MORN4: variants seen among roughly 807,000 people sequenced by gnomAD.
MORN4 encodes the protein MORN repeat containing 4, also known as MORN repeat-containing protein 4.
In MORN4, 8 loss-of-function variants were observed where a neutral mutation model predicts 16.4. The ratio of observed to expected loss-of-function variants is 0.49; its 90% CI spans 0.29 to 0.88. MORN4 has a LOEUF of 0.88. Among genes scored for constraint, MORN4 ranks in the 40% least tolerant of loss-of-function variants. MORN4 has a pLI of 0.09. For missense variants in MORN4, 159 were observed against 182.9 expected (o/e 0.87, Z 0.75); for synonymous variants, 53 against 68.9 (o/e 0.77, Z 1.14).
At chr10:97,616,587 G>T in intron 4 of MORN4, 91 bp downstream of exon 4, 1 of 1,267,498 alleles carries the variant, frequency 7.9e-7, no homozygotes, top group Non-Finnish European at 1.1e-6. Context: ...ACTATGGATT[G>T]CTGGACACCC....
chr10:97,631,696 G>A (rs1312719658), intron 1 of MORN4, among the ~76,000 whole-genome samples: 3 of 151,902 alleles, frequency 2.0e-5, no homozygotes, highest in East Asian at 3.9e-4. Flanking sequence ...CACGTTGGGA[G>A]GCTGAAGCAA....
intron 1 of MORN4, among the ~76,000 whole-genome samples, chr10:97,627,573 A>C (rs955052429): frequency 6.6e-5 from 10 of 152,234 alleles, no homozygotes; most frequent in African/African-American, 2.4e-4. Flanking sequence ...ATGAGGACAG[A>C]CGAGTTATAA....
chr10:97,617,247 A>C lies in MORN4; in HGVS notation c.143T>G (p.Phe48Cys). ...TYLGHFENGLFNGFGVLTFSD... is the reference protein window; with the variant it reads ...TYLGHFENGLCNGFGVLTFSD... ...GAAGGTCAATACCCCAAAGCCATTAAAGAGCCCATTCTCAAAATGACCCAG... is the reference window on the plus strand; with the variant it reads ...GAAGGTCAATACCCCAAAGCCATTACAGAGCCCATTCTCAAAATGACCCAG... The change falls in exon 3 of 5, where the codon TTT becomes TGT. Residue 48 changes from phenylalanine (F) to cysteine (C), a missense_variant. Coordinates refer to ENST00000307450, the MANE Select transcript of MORN4 (RefSeq NM_178832.4). The C allele has an allele frequency of 1.2e-6, 2 of 1,614,186 alleles. No individual in the cohort carries two copies. Among genetic ancestry groups the C allele is most frequent in the Non-Finnish European group, 1.7e-6 (2 of 1,180,036 alleles).
rs965921242 is a variant in MORN4 at position 97,618,209 on chromosome 10, T to C, written c.68-887A>G. Among the ~76,000 whole-genome samples, 3 of 151,082 alleles carry C rather than the reference T, an allele frequency of 2.0e-5. 1 individual carries two copies. Among genetic ancestry groups the C allele is most frequent in the Non-Finnish European group, 4.4e-5 (3 of 67,866 alleles). ...AAATAAATAAATAAATAAATAACAA[T>C]TGCTAACATGTGTATTTATAGTGCC... On this transcript the variant is annotated intron_variant, in intron 2 of 4. Transcript: ENST00000307450.
chr10:97,619,279 T>C lies in MORN4; in HGVS notation c.67+308A>G, dbSNP rs561625172. 6.1e-5 allele frequency: 28 copies of C among 459,442 alleles called. No individual in the cohort carries two copies. In the East Asian group the frequency reaches 7.0e-4, roughly 11 times the overall value. 28.5% of individuals were successfully genotyped at this position (459,442 alleles called of 1,614,324 possible). A position where few individuals can be genotyped will look rare whatever the true frequency, so the allele number is the denominator to read the frequency against. On this transcript the variant is annotated intron_variant, in intron 2 of 4. Coordinates refer to ENST00000307450, the MANE Select transcript of MORN4 (RefSeq NM_178832.4). ...GGCAGAGGTTGCAGTGAGCTGAGAT[T>C]GCACCACTGCACTCCAGCCTAGGCA...
intron 1 of MORN4, among the ~76,000 whole-genome samples, chr10:97,620,213 G>A (rs147352303): frequency 6.6e-6 from 1 of 152,078 alleles, no homozygotes; most frequent in East Asian, 1.9e-4. Flanking sequence ...CAGGCCAGGG[G>A]CAGTGGCTCA....
chr10:97,619,787 T>G, intron 1 of MORN4, 104 bp from the exon 2 acceptor site: 34 of 845,962 alleles, frequency 4.0e-5, no homozygotes, highest in Non-Finnish European at 6.3e-5. Flanking sequence ...GCCTGGTAAG[T>G]GTACACTGCC....
rs907099252 is a variant in MORN4 at position 97,633,295 on chromosome 10, C to G, written c.-31+52G>C. The G allele has an allele frequency of 1.6e-6, 2 of 1,283,524 alleles. No homozygotes were observed. The highest frequency in any genetic ancestry group is 2.0e-6 in the Non-Finnish European group (2 of 985,778). The allele number at this position is 1,283,524 out of a possible 1,614,324, so 79.5% of individuals were successfully genotyped here. A position where few individuals can be genotyped will look rare whatever the true frequency, so the allele number is the denominator to read the frequency against. ...TCGTGCTCCGTTCCTCAGTGCCCAC[C>G]TGACCGATCACACTCTTTCCCGGCC... is the stretch of plus-strand genomic sequence containing the variant. On this transcript the variant is annotated intron_variant, in intron 1 of 4. Coordinates refer to ENST00000307450, the MANE Select transcript of MORN4 (RefSeq NM_178832.4). This position sits in a 1 kb window ranked among gnomAD's most constrained non-coding sequence, Gnocchi z 4.5.
intron 1 of MORN4, among the ~76,000 whole-genome samples, chr10:97,630,375 G>A (rs768673444): frequency 6.6e-6 from 1 of 152,096 alleles, no homozygotes; most frequent in Non-Finnish European, 1.5e-5. Flanking sequence ...CCACAGTATG[G>A]GTGTTTTAAG....
chr10:97,616,090 C>G lies in MORN4; in HGVS notation c.*173G>C, dbSNP rs1426673610. The G allele has an allele frequency of 1.7e-6, 1 of 590,378 alleles. No homozygotes were observed. The highest frequency in any genetic ancestry group is 1.9e-5 in the African/African-American group (1 of 52,638). The allele number at this position is 590,378 out of a possible 1,614,324, so 36.6% of individuals were successfully genotyped here. A position where few individuals can be genotyped will look rare whatever the true frequency, so the allele number is the denominator to read the frequency against. Reference sequence around the variant, plus strand: ...GCTGCAGGGTCTGCTGGCCAGCATCCTCAGCACTTTTCTGTGGTCCAGTTC... The same window carrying G: ...GCTGCAGGGTCTGCTGGCCAGCATCGTCAGCACTTTTCTGTGGTCCAGTTC... On this transcript the variant is annotated 3_prime_UTR_variant, in exon 5 of 5. Coordinates refer to ENST00000307450, the MANE Select transcript of MORN4 (RefSeq NM_178832.4).
At chr10:97,621,381 T>A (rs1374404607) in intron 1 of MORN4, among the ~76,000 whole-genome samples, 2 of 152,182 alleles carry the variant, frequency 1.3e-5, no homozygotes, top group Admixed American at 6.5e-5. Context: ...CTCTGCGGGT[T>A]TGTGAACCAG....
At chr10:97,631,466 AATTATT>A (rs1176258833) in intron 1 of MORN4, among the ~76,000 whole-genome samples, 1 of 151,994 alleles carries the variant, frequency 6.6e-6, no homozygotes, top group South Asian at 2.1e-4. Context: ...ATTTCTTTTT[AATTATT>A]ATTATTTTCT....
At chr10:97,631,617 T>C (rs1359349447) in intron 1 of MORN4, among the ~76,000 whole-genome samples, 3 of 150,768 alleles carry the variant, frequency 2.0e-5, no homozygotes, top group Non-Finnish European at 4.4e-5. Flanking sequence ...TTTAAGAGGA[T>C]TAAAAAAAAA....
intron 1 of MORN4, among the ~76,000 whole-genome samples, chr10:97,625,685 A>C (rs1776720881): frequency 6.6e-6 from 1 of 152,258 alleles, no homozygotes; most frequent in Admixed American, 6.5e-5. Flanking sequence ...TACTAAGTAG[A>C]GGAAAAACAA....
chr10:97,620,501 AAAAAAAG>A (rs559612068), intron 1 of MORN4, among the ~76,000 whole-genome samples: 14,540 of 136,182 alleles, frequency 0.11, 850 homozygotes, highest in Non-Finnish European at 0.15. Context: ...AAAAAAAAAA[AAAAAAAG>A]AAAAAAAAAA....
At chr10:97,622,979 G>A (rs1323943810) in intron 1 of MORN4, among the ~76,000 whole-genome samples, 1 of 151,694 alleles carries the variant, frequency 6.6e-6, no homozygotes, top group East Asian at 1.9e-4. Flanking sequence ...CAAACTCCTG[G>A]ATTCAAGGCA....
chr10:97,617,892 C>T (rs2041250854), intron 2 of MORN4, among the ~76,000 whole-genome samples: 1 of 151,928 alleles, frequency 6.6e-6, no homozygotes, highest in Admixed American at 6.6e-5. Flanking sequence ...AAACAACTGG[C>T]TGGGCGCAGT....
chr10:97,622,105 T>C (rs1446041214), intron 1 of MORN4, among the ~76,000 whole-genome samples: 2 of 152,104 alleles, frequency 1.3e-5, no homozygotes, highest in East Asian at 3.9e-4. Context: ...AACAAATTGC[T>C]CAGGCAAGAC....
Position 97,619,656 on chromosome 10 carries a change from T to C in MORN4, c.-3A>G. 6.2e-7 allele frequency: 1 copy of C among 1,613,952 alleles called. No individual in the cohort carries two copies. Among genetic ancestry groups the C allele is most frequent in the Non-Finnish European group, 8.5e-7 (1 of 1,179,820 alleles). On this transcript the variant is annotated 5_prime_UTR_variant, in exon 2 of 5. Transcript: ENST00000307450. ...AAGGAACCTTTTGTCAGGGTCATGG[T>C]GACAGATTACAGGATAAAAGGATGA...
Sources: allele counts gnomAD v4.1 joint callset (sites outside exome capture counted in the v4.1 genomes callset), GRCh38; gene constraint gnomAD v4.1.1; non-coding constraint Gnocchi (gnomAD v3.1); transcripts MANE v1.5; gene names NCBI Gene and HGNC (gene_info 2026-07-23, HGNC 2026-07-21).